Variants in METTL25 observed in about 807,000 individuals in gnomAD.
METTL25 encodes methyltransferase like 25.
METTL25 carries 64 observed loss-of-function variants against 71.6 expected under a neutral mutation model. That is an observed-to-expected ratio of 0.89 (90% CI 0.73 to 1.10). The LOEUF (loss-of-function observed/expected upper bound fraction) is 1.10. Among genes scored for constraint, METTL25 ranks in the 50% least tolerant of loss-of-function variants. The pLI is 0.00. For synonymous variants in METTL25, 287 were observed against 250.3 expected, an observed-to-expected ratio of 1.15 and a Z score of -1.38; for missense variants, 807 against 707.0, an observed-to-expected ratio of 1.14 and a Z score of -1.60.
intron 1 of METTL25, among the ~76,000 whole-genome samples, chr12:82,362,260 A>G (rs1882032342): frequency 6.6e-6 from 1 of 152,206 alleles, no homozygotes; most frequent in South Asian, 2.1e-4. Flanking sequence ...GTTAGAAATA[A>G]CTATCTTTTC....
At chr12:82,399,471 A>C in intron 4 of METTL25, 77 bp downstream of exon 4, 1 of 1,109,114 alleles carries the variant, frequency 9.0e-7, no homozygotes. Context: ...TACTTAACAT[A>C]CATATCTTAC....
At chr12:82,422,378 G>A (rs1888598389) in intron 5 of METTL25, among the ~76,000 whole-genome samples, 1 of 152,048 alleles carries the variant, frequency 6.6e-6, no homozygotes, top group African/African-American at 2.4e-5. Context: ...CAATAAATTA[G>A]GTATTGATGG....
intron 5 of METTL25, among the ~76,000 whole-genome samples, chr12:82,416,446 G>T (rs1375245027): frequency 4.4e-5 from 6 of 136,794 alleles, no homozygotes; most frequent in Admixed American, 1.5e-4. Context: ...TATCATTTAG[G>T]TTTTTTTTTT....
In METTL25 at chr12:82,365,815, G is replaced by T. The variant is rs550261692; in HGVS notation, c.259+6991G>T. On this transcript the variant is annotated intron_variant, in intron 1 of 11. Transcript: ENST00000248306. Reference sequence around the variant, plus strand: ...TATCTGGCCTCGGCCGGGCGCGGTGGCTCACGCCTGCAATCCCAGCACTTT... The same window carrying T: ...TATCTGGCCTCGGCCGGGCGCGGTGTCTCACGCCTGCAATCCCAGCACTTT... 2.5e-3 allele frequency among the ~76,000 whole-genome samples: 379 copies of T among 151,058 alleles called. 1 individual carries two copies. The highest frequency in any genetic ancestry group is 4.5e-3 in the Non-Finnish European group (306 of 67,400).
At chr12:82,461,674 T>C (rs1418655721) in intron 9 of METTL25, among the ~76,000 whole-genome samples, 1 of 147,750 alleles carries the variant, frequency 6.8e-6, no homozygotes, top group Non-Finnish European at 1.5e-5. Flanking sequence ...GATGTAATTC[T>C]AAAACAGATT....
At chr12:82,362,622 G>A (rs1293491961) in intron 1 of METTL25, among the ~76,000 whole-genome samples, 1 of 152,130 alleles carries the variant, frequency 6.6e-6, no homozygotes, top group South Asian at 2.1e-4. Context: ...CTCAGTATTT[G>A]GCTTTTATTC....
chr12:82,415,767 T>C (rs1887931818), intron 5 of METTL25, among the ~76,000 whole-genome samples: 1 of 152,096 alleles, frequency 6.6e-6, no homozygotes, highest in African/African-American at 2.4e-5. Context: ...GCAGTCTGCT[T>C]TATTCAGACC....
chr12:82,436,471 A>G (rs1889923287), intron 7 of METTL25, among the ~76,000 whole-genome samples: 1 of 151,414 alleles, frequency 6.6e-6, no homozygotes, highest in African/African-American at 2.4e-5. Context: ...CTTTCCACTT[A>G]CCCATTTGTA....
At position 82,402,973 on chromosome 12, in the gene METTL25, T is replaced by C. The variant is rs1028767780; in HGVS notation, c.1132-10T>C. Reference sequence around the variant, plus strand: ...TTACCAAATTTTATTTTTCTTCTTGTATTTTAAAGGATTGTTTGATGGTGG... The same window carrying C: ...TTACCAAATTTTATTTTTCTTCTTGCATTTTAAAGGATTGTTTGATGGTGG... On this transcript the variant is annotated splice_polypyrimidine_tract_variant and intron_variant, in intron 4 of 11. Coordinates refer to ENST00000248306, the MANE Select transcript of METTL25 (RefSeq NM_032230.3). 2.6e-6 allele frequency: 4 copies of C among 1,566,456 alleles called. No homozygotes were observed. The highest frequency in any genetic ancestry group is 1.4e-5 in the African/African-American group (1 of 71,958).
At chr12:82,477,384 ATATCT>A (rs766338340) in intron 11 of METTL25, 32 bp downstream of exon 11, 24 of 1,192,532 alleles carry the variant, frequency 2.0e-5, no homozygotes, top group African/African-American at 3.1e-5. Context: ...TACACAACAA[ATATCT>A]TATTAAATAC....
At chr12:82,359,683 G>A (rs1245032252) in intron 1 of METTL25, among the ~76,000 whole-genome samples, 1 of 151,076 alleles carries the variant, frequency 6.6e-6, no homozygotes, top group African/African-American at 2.4e-5. Context: ...TATGTGTCTT[G>A]AATTTTTGTA....
intron 5 of METTL25, among the ~76,000 whole-genome samples, chr12:82,423,921 C>G (rs938227636): frequency 2.6e-5 from 4 of 152,164 alleles, no homozygotes; most frequent in Non-Finnish European, 4.4e-5. Context: ...AATAGGAACA[C>G]TTTTACACTG....
chr12:82,452,458 A>G (rs1891216753), intron 8 of METTL25, among the ~76,000 whole-genome samples: 1 of 152,200 alleles, frequency 6.6e-6, no homozygotes, highest in Admixed American at 6.5e-5. Context: ...AGCTATGATC[A>G]TGCCACTGCA....
rs185399498 is a variant in METTL25, at chr12:82,370,763, C to T, written c.259+11939C>T. Among the ~76,000 whole-genome samples the T allele has an allele frequency of 6.6e-5, 10 of 151,968 alleles. No homozygotes were observed. In the East Asian group the frequency reaches 1.9e-3, roughly 29 times the overall value. On this transcript the variant is annotated intron_variant, in intron 1 of 11. Coordinates refer to ENST00000248306, the MANE Select transcript of METTL25 (RefSeq NM_032230.3). ...CTCTTTCTCTCTCTGTCTCTGACTCCCTCTTTGTCTCTTCCTCCCTCTCTC... is the reference window on the plus strand; with the variant it reads ...CTCTTTCTCTCTCTGTCTCTGACTCTCTCTTTGTCTCTTCCTCCCTCTCTC...
intron 9 of METTL25, among the ~76,000 whole-genome samples, chr12:82,467,113 A>G (rs1303552113): frequency 3.3e-5 from 5 of 151,478 alleles, no homozygotes; most frequent in African/African-American, 1.2e-4. Flanking sequence ...TACAGGCAGC[A>G]TATAGTTGGG....
chr12:82,363,402 A>G (rs768504045), intron 1 of METTL25, among the ~76,000 whole-genome samples: 3 of 152,208 alleles, frequency 2.0e-5, no homozygotes, highest in East Asian at 1.9e-4. Context: ...GGAAATTTAC[A>G]CTAGGGAGTC....
At chr12:82,455,706 C>G (rs773892809) in intron 8 of METTL25, among the ~76,000 whole-genome samples, 2 of 151,820 alleles carry the variant, frequency 1.3e-5, no homozygotes, top group Non-Finnish European at 2.9e-5. Flanking sequence ...GGAGAAAAAA[C>G]TAAATACTGG....
At chr12:82,443,969 T>C (rs764615203) in intron 8 of METTL25, among the ~76,000 whole-genome samples, 1 of 152,128 alleles carries the variant, frequency 6.6e-6, no homozygotes, top group Non-Finnish European at 1.5e-5. Context: ...ATTCAGACTA[T>C]AGCAGCCTTC....
At chr12:82,426,688 T>C (rs1215738885) in intron 5 of METTL25, among the ~76,000 whole-genome samples, 4 of 152,140 alleles carry the variant, frequency 2.6e-5, no homozygotes, top group Non-Finnish European at 5.9e-5. Flanking sequence ...TCTTTTATTA[T>C]GCTCCACTTC....
Sources: gnomAD v4.1 joint callset for allele counts (sites outside exome capture counted in the v4.1 genomes callset) on GRCh38, gnomAD v4.1.1 for gene constraint, MANE v1.5 for transcripts, NCBI Gene and HGNC (gene_info 2026-07-23, HGNC 2026-07-21) for gene names.